RABGAP1L: variants seen among roughly 807,000 people sequenced by gnomAD.
RABGAP1L encodes rab GTPase-activating protein 1-like.
A neutral mutation model predicts 137.7 loss-of-function variants in RABGAP1L; 63 were observed. The ratio of observed to expected loss-of-function variants is 0.46; its 90% CI spans 0.37 to 0.56. RABGAP1L has a LOEUF of 0.56. RABGAP1L is among the 20% of genes least tolerant of loss of function. The pLI is 0.00. For missense variants in RABGAP1L, 1,095 were observed against 1,244.0 expected, an observed-to-expected ratio of 0.88 and a Z score of 1.80; for synonymous variants, 431 against 433.7, an observed-to-expected ratio of 0.99 and a Z score of 0.08.
chr1:174,946,940 A>T (rs7514513), intron 19 of RABGAP1L, among the ~76,000 whole-genome samples: 1 of 60,962 alleles, frequency 1.6e-5, no homozygotes, highest in Non-Finnish European at 2.8e-5. Context: ...ATATATATAT[A>T]TGTGTGTGTG....
intron 19 of RABGAP1L, among the ~76,000 whole-genome samples, chr1:174,907,965 G>C (rs1659390725): frequency 6.6e-6 from 1 of 152,158 alleles, no homozygotes; most frequent in Admixed American, 6.5e-5. Context: ...AATGTGAAGG[G>C]GTTGGGAAAA....
chr1:174,214,479 A>G (rs1454612816), intron 1 of RABGAP1L, among the ~76,000 whole-genome samples: 1 of 152,220 alleles, frequency 6.6e-6, no homozygotes, highest in Non-Finnish European at 1.5e-5. Context: ...AGAAATAGAA[A>G]AAAAAGTCCT....
At chr1:174,656,991 G>T (rs768666328) in intron 14 of RABGAP1L, among the ~76,000 whole-genome samples, 1 of 151,976 alleles carries the variant, frequency 6.6e-6, no homozygotes, top group Non-Finnish European at 1.5e-5. Flanking sequence ...CTTTCCTAAT[G>T]CACAAAGCCT....
chr1:174,772,538 A>C (rs1686197038), intron 18 of RABGAP1L, among the ~76,000 whole-genome samples: 1 of 133,776 alleles, frequency 7.5e-6, no homozygotes, highest in Non-Finnish European at 1.5e-5. Context: ...ACTGCACTCC[A>C]GCCTGGGCAA....
intron 13 of RABGAP1L, among the ~76,000 whole-genome samples, chr1:174,503,117 AG>A (rs1323775495): frequency 2.0e-5 from 3 of 152,258 alleles, no homozygotes; most frequent in Non-Finnish European, 4.4e-5. Flanking sequence ...TCAGTAGATA[AG>A]GGGTTTGCAA....
intron 7 of RABGAP1L, among the ~76,000 whole-genome samples, chr1:174,259,877 C>T (rs1243620324): frequency 1.3e-5 from 2 of 151,590 alleles, no homozygotes; most frequent in Non-Finnish European, 2.9e-5. Flanking sequence ...CTCTGTCACC[C>T]AGGCTGGAGT....
Position 174,699,519 on chromosome 1 carries a change from C to A in RABGAP1L, c.1900-6C>A. The A allele has an allele frequency of 6.2e-7, 1 of 1,608,802 alleles. No homozygotes were observed. Among genetic ancestry groups the A allele is most frequent in the East Asian group, 2.2e-5 (1 of 44,794 alleles). On this transcript the variant is annotated splice_region_variant and splice_polypyrimidine_tract_variant and intron_variant, in intron 15 of 25. Coordinates refer to ENST00000681986, the MANE Select transcript of RABGAP1L (RefSeq NM_001366446.1). ...TTATATTGTATATGTATATATTTTT[C>A]TGTAGATGCCAGAGGAACAAGCATT...
At chr1:174,874,496 C>T in intron 19 of RABGAP1L, 2 of 984,234 alleles carry the variant, frequency 2.0e-6, no homozygotes, top group Non-Finnish European at 2.4e-6. Context: ...TGTTTTGATA[C>T]TCTTCTCCTG....
At chr1:174,282,521 C>T (rs1174224850) in intron 10 of RABGAP1L, among the ~76,000 whole-genome samples, 2 of 151,900 alleles carry the variant, frequency 1.3e-5, no homozygotes. Context: ...AATATATTTT[C>T]TTTTGTCAGA....
intron 13 of RABGAP1L, among the ~76,000 whole-genome samples, chr1:174,396,024 T>G (rs1647805623): frequency 6.6e-6 from 1 of 152,066 alleles, no homozygotes; most frequent in African/African-American, 2.4e-5. Flanking sequence ...AGAAACAAGT[T>G]TTCATTGTTG....
chr1:174,756,469 AT>A (rs983539714), intron 18 of RABGAP1L, among the ~76,000 whole-genome samples: 4 of 150,540 alleles, frequency 2.7e-5, no homozygotes, highest in Admixed American at 6.7e-5. Context: ...ATATATATAT[AT>A]TTTTTTTTGA....
At chr1:174,415,368 G>A (rs549194604) in intron 13 of RABGAP1L, among the ~76,000 whole-genome samples, 3 of 152,034 alleles carry the variant, frequency 2.0e-5, no homozygotes, top group African/African-American at 7.2e-5. Context: ...TGATGAACAG[G>A]CTCAGTAAAA....
chr1:174,437,191 C>T lies in RABGAP1L; in HGVS notation c.1710+43046C>T, dbSNP rs181512434. ...CCTCCTCCAAAGGAACGCAGCTCCT[C>T]ACCAGCAACGGAACAAAACTGGACA... is the stretch of plus-strand genomic sequence containing the variant. On this transcript the variant is annotated intron_variant, in intron 13 of 25. Coordinates refer to ENST00000681986, the MANE Select transcript of RABGAP1L (RefSeq NM_001366446.1). Among the ~76,000 whole-genome samples, 529 of 152,320 alleles carry T rather than the reference C, an allele frequency of 3.5e-3. 3 individuals carry two copies. Among genetic ancestry groups the T allele is most frequent in the African/African-American group, 0.012 (490 of 41,560 alleles).
chr1:174,706,647 A>G (rs1442844341), intron 17 of RABGAP1L, among the ~76,000 whole-genome samples: 1 of 152,196 alleles, frequency 6.6e-6, no homozygotes, highest in African/African-American at 2.4e-5. Flanking sequence ...AAAAATGGAC[A>G]TAACGAAGTA....
At chr1:174,190,348 C>T (rs1240522812) in intron 1 of RABGAP1L, among the ~76,000 whole-genome samples, 3 of 151,456 alleles carry the variant, frequency 2.0e-5, no homozygotes, top group Non-Finnish European at 4.4e-5. Context: ...AGGCTCTCAC[C>T]AGATGCTGCC....
chr1:174,516,664 G>A (rs1381781310), intron 13 of RABGAP1L, among the ~76,000 whole-genome samples: 1 of 152,150 alleles, frequency 6.6e-6, no homozygotes, highest in Non-Finnish European at 1.5e-5. Context: ...GCCAAGCACT[G>A]TGATACATAC....
intron 13 of RABGAP1L, among the ~76,000 whole-genome samples, chr1:174,524,817 G>C (rs1663735869): frequency 6.6e-6 from 1 of 152,018 alleles, no homozygotes; most frequent in South Asian, 2.1e-4. Flanking sequence ...ATTGATTTTT[G>C]TATGTGATGA....
At chr1:174,650,725 TTTC>T (rs1675405336) in intron 14 of RABGAP1L, among the ~76,000 whole-genome samples, 1 of 150,590 alleles carries the variant, frequency 6.6e-6, no homozygotes, top group East Asian at 1.9e-4. Context: ...TCTTCTCTCT[TTTC>T]TTCTTTATTA....
chr1:174,334,157 G>A (rs1377695971), intron 11 of RABGAP1L, among the ~76,000 whole-genome samples: 1 of 152,174 alleles, frequency 6.6e-6, no homozygotes, highest in African/African-American at 2.4e-5. Context: ...CTTTTCTGTT[G>A]TATGAAGGGA....
Sources: allele counts gnomAD v4.1 joint callset (sites outside exome capture counted in the v4.1 genomes callset), GRCh38; gene constraint gnomAD v4.1.1; transcripts MANE v1.5; gene names NCBI Gene and HGNC (gene_info 2026-07-23, HGNC 2026-07-21).